Variants in SPAST observed in about 807,000 individuals in gnomAD.
SPAST encodes spastic paraplegia 4 (autosomal dominant; spastin).
Under a neutral mutation model 76.6 loss-of-function variants are expected in SPAST, and 30 were observed. The ratio of observed to expected loss-of-function variants is 0.39; its 90% CI spans 0.29 to 0.53. SPAST has a LOEUF of 0.53. Ranked by LOEUF, SPAST falls within the 20% of genes least tolerant of loss-of-function variation. The pLI is 0.68. For synonymous variants in SPAST, 305 were observed against 281.0 expected (o/e 1.09, Z -0.86); for missense variants, 717 against 770.5 (o/e 0.93, Z 0.82).
At position 32,118,701 on chromosome 2, in the gene SPAST, A is replaced by G. The variant is rs964373134; in HGVS notation, c.1098+2489A>G. On this transcript the variant is annotated intron_variant, in intron 7 of 16. Coordinates refer to ENST00000315285, the MANE Select transcript of SPAST (RefSeq NM_014946.4). The stretch of plus-strand genomic sequence containing the variant: ...TTGCTCAAGATTTTAGTTAAGTGGT[A>G]GACCTAGGAAATACCTTTCTAAGAT... Among the ~76,000 whole-genome samples, 12 of 152,346 alleles carry G rather than the reference A, an allele frequency of 7.9e-5. No homozygotes were observed. In the East Asian group the frequency reaches 2.3e-3, roughly 29 times the overall value.
intron 4 of SPAST, among the ~76,000 whole-genome samples, chr2:32,108,962 C>T (rs1183568157): frequency 6.6e-6 from 1 of 151,760 alleles, no homozygotes; most frequent in African/African-American, 2.4e-5. Flanking sequence ...AACAGAGTTT[C>T]ACCATGTTGG....
chr2:32,083,756 A>T (rs1441329586), intron 1 of SPAST, among the ~76,000 whole-genome samples: 109 of 48,688 alleles, frequency 2.2e-3, no homozygotes, highest in African/African-American at 6.5e-3. Flanking sequence ...TATACTATAT[A>T]TATATATATA....
chr2:32,092,123 A>G (rs936366949), intron 3 of SPAST, among the ~76,000 whole-genome samples: 6 of 152,184 alleles, frequency 3.9e-5, no homozygotes, highest in African/African-American at 1.4e-4. Flanking sequence ...ATTTACTCCT[A>G]TATGGTCATT....
intron 1 of SPAST, among the ~76,000 whole-genome samples, chr2:32,071,319 A>T (rs1373738759): frequency 1.3e-5 from 2 of 152,186 alleles, no homozygotes; most frequent in African/African-American, 4.8e-5. Flanking sequence ...AATTTTTTCT[A>T]TTCATAGTTT....
chr2:32,096,060 C>T (rs1211147381), intron 3 of SPAST, among the ~76,000 whole-genome samples: 1 of 152,202 alleles, frequency 6.6e-6, no homozygotes, highest in Non-Finnish European at 1.5e-5. Context: ...GGTAAAGCAG[C>T]AAAGTTACTG....
At chr2:32,119,488 A>C (rs1036696867) in intron 7 of SPAST, among the ~76,000 whole-genome samples, 6 of 152,202 alleles carry the variant, frequency 3.9e-5, no homozygotes. Flanking sequence ...ACTGGTTTTA[A>C]GGAGATAATA....
At chr2:32,151,762 T>C (rs1476500621) in intron 16 of SPAST, among the ~76,000 whole-genome samples, 2 of 151,914 alleles carry the variant, frequency 1.3e-5, no homozygotes, top group African/African-American at 4.8e-5. Context: ...ATACAAAAAT[T>C]AGCCGGGCGT....
intron 3 of SPAST, among the ~76,000 whole-genome samples, chr2:32,091,245 CTATTAT>C (rs139735937): frequency 0.26 from 32,517 of 126,502 alleles, 4,381 homozygotes; most frequent in Middle Eastern, 0.35. Context: ...TAATATGAAG[CTATTAT>C]TATTATTATT....
intron 3 of SPAST, among the ~76,000 whole-genome samples, chr2:32,094,242 G>A (rs1011860535): frequency 4.6e-5 from 7 of 151,918 alleles, no homozygotes; most frequent in Middle Eastern, 6.8e-3. Context: ...TTTTTGAGAC[G>A]GAGTCTTGCC....
intron 1 of SPAST, among the ~76,000 whole-genome samples, chr2:32,082,724 T>A (rs926796140): frequency 2.6e-5 from 4 of 152,030 alleles, no homozygotes; most frequent in Non-Finnish European, 4.4e-5. Flanking sequence ...TCTGTCCCTA[T>A]GGTTTTATCT....
chr2:32,075,940 G>A (rs1229001432), intron 1 of SPAST, among the ~76,000 whole-genome samples: 4 of 117,416 alleles, frequency 3.4e-5, no homozygotes, highest in South Asian at 5.7e-4. Context: ...TCGCTCTGTC[G>A]CCCAGGCTGA....
At chr2:32,135,894 A>G (rs1398150309) in intron 9 of SPAST, among the ~76,000 whole-genome samples, 5 of 152,152 alleles carry the variant, frequency 3.3e-5, no homozygotes, top group East Asian at 1.9e-4. Context: ...ATTTACCAAT[A>G]TGGTAAAACC....
At chr2:32,114,012 C>G (rs1306129828) in intron 4 of SPAST, among the ~76,000 whole-genome samples, 4 of 151,744 alleles carry the variant, frequency 2.6e-5, no homozygotes, top group African/African-American at 9.7e-5. Flanking sequence ...GGCACGATCT[C>G]GGCTCACTTC....
At chr2:32,078,788 T>C (rs906950531) in intron 1 of SPAST, among the ~76,000 whole-genome samples, 2 of 152,228 alleles carry the variant, frequency 1.3e-5, no homozygotes, top group African/African-American at 4.8e-5. Flanking sequence ...GAAAAAAATA[T>C]GCAAAACAAT....
Position 32,143,404 on chromosome 2 carries a change from A to G in SPAST, c.1605A>G (p.Ala535=). The part of the protein sequence containing the change: ...QGSPLTQKEL[A]QLARMTDGYS... ...GTCCATTGACCCAAAAAGAACTAGC[A>G]CAACTTGCTAGGTGAGTAATTTGGA... The change falls in exon 14 of 17, where the codon GCA becomes GCG. Residue 535 remains alanine (A), a synonymous_variant. Coordinates refer to ENST00000315285, the MANE Select transcript of SPAST (RefSeq NM_014946.4). 6.2e-7 allele frequency: 1 copy of G among 1,603,138 alleles called. No homozygotes were observed.
chr2:32,087,397 A>G, intron 1 of SPAST, 95 bp from the exon 2 acceptor site: 1 of 722,130 alleles, frequency 1.4e-6, no homozygotes, highest in East Asian at 2.7e-5. Flanking sequence ...ACTTGTTCAC[A>G]ACCCTGTTTT....
intron 14 of SPAST, 118 bp downstream of exon 14, chr2:32,143,533 CTT>C: frequency 1.4e-6 from 1 of 693,034 alleles, no homozygotes; most frequent in Non-Finnish European, 2.6e-6. Context: ...GATCAGAAGA[CTT>C]TCTCTCATCC....
rs1316217696 is a variant in SPAST at position 32,114,695 on chromosome 2, C to T, written c.740C>T (p.Pro247Leu). 6.2e-7 allele frequency: 1 copy of T among 1,614,070 alleles called. No homozygotes were observed. The highest frequency in any genetic ancestry group is 1.7e-5 in the Admixed American group (1 of 60,000). The change falls in exon 5 of 17, where the codon CCT (proline) becomes CTT (leucine). Residue 247 changes from proline (P) to leucine (L), a missense_variant. Pro to Leu is a moderately conservative substitution (Grantham distance 98). Transcript: ENST00000315285. ...TTAACACACACTAGTAATTCACTGC[C>T]TCGTTCAAAAACAGTTATGAAAACT... Reference protein sequence around the residue: ...DPLTHTSNSLPRSKTVMKTGS... With the variant: ...DPLTHTSNSLLRSKTVMKTGS...
chr2:32,132,590 C>T (rs1407289537), intron 9 of SPAST, among the ~76,000 whole-genome samples: 1 of 151,540 alleles, frequency 6.6e-6, no homozygotes, highest in African/African-American at 2.4e-5. Context: ...ATATCTGCTT[C>T]CCTCCAGTCC....
Sources: allele counts gnomAD v4.1 joint callset (sites outside exome capture counted in the v4.1 genomes callset), GRCh38; gene constraint gnomAD v4.1.1; transcripts MANE v1.5; gene names NCBI Gene and HGNC (gene_info 2026-07-23, HGNC 2026-07-21).